MLLT3: variants seen among roughly 807,000 people sequenced by gnomAD.
The protein encoded by MLLT3 is MLLT3 super elongation complex subunit, also known as protein AF-9.
MLLT3 carries 4 observed loss-of-function variants against 53.2 expected under a neutral mutation model. The ratio of observed to expected loss-of-function variants is 0.08; its 90% CI spans 0.04 to 0.17. The LOEUF (loss-of-function observed/expected upper bound fraction) is 0.17, where lower values mean the gene tolerates loss of function less well. Ranked by LOEUF, MLLT3 falls within the 10% of genes least tolerant of loss-of-function variation. The pLI, the probability that MLLT3 is intolerant of heterozygous loss-of-function variation, is 1.00. For synonymous variants in MLLT3, 283 were observed against 230.6 expected, an observed-to-expected ratio of 1.23 and a Z score of -2.06; for missense variants, 569 against 684.0, an observed-to-expected ratio of 0.83 and a Z score of 1.87.
At chr9:20,539,697 G>A (rs1490456525) in intron 2 of MLLT3, among the ~76,000 whole-genome samples, 2 of 151,988 alleles carry the variant, frequency 1.3e-5, no homozygotes, top group Non-Finnish European at 2.9e-5. Flanking sequence ...ATTTGGGTGG[G>A]GACACATAGC....
intron 5 of MLLT3, among the ~76,000 whole-genome samples, chr9:20,389,722 G>A (rs928197221): frequency 4.6e-5 from 7 of 152,130 alleles, no homozygotes; most frequent in Non-Finnish European, 1.0e-4. Flanking sequence ...CAAGGTTACA[G>A]TGTGCTACGA....
intron 2 of MLLT3, among the ~76,000 whole-genome samples, chr9:20,487,967 A>G (rs1824855519): frequency 6.6e-6 from 1 of 152,162 alleles, no homozygotes; most frequent in Admixed American, 6.6e-5. Flanking sequence ...ATATTCATAT[A>G]TTCCAAATGT....
At chr9:20,619,272 T>C (rs1278634878) in intron 2 of MLLT3, among the ~76,000 whole-genome samples, 2 of 152,238 alleles carry the variant, frequency 1.3e-5, no homozygotes, top group East Asian at 3.8e-4. Flanking sequence ...TGGATTTATT[T>C]ATTAACCATC....
At chr9:20,596,900 A>G (rs1820285037) in intron 2 of MLLT3, among the ~76,000 whole-genome samples, 1 of 152,158 alleles carries the variant, frequency 6.6e-6, no homozygotes, top group Non-Finnish European at 1.5e-5. Flanking sequence ...CCATCGTAAT[A>G]TTAAGTCTCC....
intron 5 of MLLT3, among the ~76,000 whole-genome samples, chr9:20,389,900 T>C (rs747745926): frequency 9.2e-5 from 14 of 152,218 alleles, no homozygotes; most frequent in Non-Finnish European, 1.9e-4. Flanking sequence ...AATTGCTCAT[T>C]AAATTTTTTC....
chr9:20,573,006 C>T (rs1006377273), intron 2 of MLLT3, among the ~76,000 whole-genome samples: 2 of 152,118 alleles, frequency 1.3e-5, no homozygotes, highest in Non-Finnish European at 2.9e-5. Flanking sequence ...TGAAGTACCT[C>T]CAGATTACTG....
chr9:20,452,951 T>C (rs1468436535), intron 3 of MLLT3, among the ~76,000 whole-genome samples: 2 of 152,212 alleles, frequency 1.3e-5, no homozygotes, highest in South Asian at 2.1e-4. Context: ...ATTGCAACTA[T>C]AGTCAACAAT....
chr9:20,529,161 A>G (rs142306170), intron 2 of MLLT3, among the ~76,000 whole-genome samples: 89 of 152,324 alleles, frequency 5.8e-4, no homozygotes, highest in African/African-American at 2.0e-3. Context: ...CTGGGTATGC[A>G]GCCTAGGTTT....
At chr9:20,522,188 C>A (rs1818079233) in intron 2 of MLLT3, among the ~76,000 whole-genome samples, 1 of 150,130 alleles carries the variant, frequency 6.7e-6, no homozygotes, top group Admixed American at 6.7e-5. Flanking sequence ...TAAAGTACTA[C>A]TGTAGTACAG....
chr9:20,533,559 T>A (rs945853422), intron 2 of MLLT3, among the ~76,000 whole-genome samples: 5 of 152,212 alleles, frequency 3.3e-5, no homozygotes, highest in African/African-American at 1.2e-4. Flanking sequence ...CTACTGGGTA[T>A]ATGTCCTAAG....
intron 2 of MLLT3, among the ~76,000 whole-genome samples, chr9:20,597,160 T>G (rs895829526): frequency 5.3e-5 from 8 of 152,108 alleles, no homozygotes; most frequent in African/African-American, 1.9e-4. Flanking sequence ...GATAAATTCA[T>G]CCATTATGGG....
intron 2 of MLLT3, among the ~76,000 whole-genome samples, chr9:20,565,132 G>GTT (rs200465264): frequency 2.0e-5 from 3 of 146,616 alleles, no homozygotes; most frequent in African/African-American, 7.4e-5. Flanking sequence ...TGACTGATAT[G>GTT]TTTTTTTTTT....
intron 2 of MLLT3, among the ~76,000 whole-genome samples, chr9:20,482,192 T>C (rs1466283491): frequency 6.6e-6 from 1 of 152,222 alleles, no homozygotes; most frequent in African/African-American, 2.4e-5. Context: ...GTTCCTGCAT[T>C]AGACCCAAAC....
At chr9:20,406,404 A>T (rs1822578647) in intron 5 of MLLT3, among the ~76,000 whole-genome samples, 2 of 152,246 alleles carry the variant, frequency 1.3e-5, no homozygotes, top group Non-Finnish European at 2.9e-5. Flanking sequence ...ACATATTTTT[A>T]AGCGTTACTG....
At chr9:20,375,600 TTTTTCTTTTC>T (rs1174072977) in intron 5 of MLLT3, among the ~76,000 whole-genome samples, 15 of 111,144 alleles carry the variant, frequency 1.3e-4, no homozygotes, top group African/African-American at 1.3e-3. Flanking sequence ...AATTTTTTTT[TTTTTCTTTTC>T]TTTTTTTTTT....
At chr9:20,453,560 CA>C (rs950827782) in intron 3 of MLLT3, among the ~76,000 whole-genome samples, 1 of 152,018 alleles carries the variant, frequency 6.6e-6, no homozygotes, top group African/African-American at 2.4e-5. Flanking sequence ...GAAACCCCAC[CA>C]AAACAAAACA....
At position 20,620,578 on chromosome 9, in the gene MLLT3, G is replaced by T; in HGVS notation, c.193+76C>A. 1.4e-6 allele frequency: 2 copies of T among 1,419,252 alleles called. No individual in the cohort carries two copies. Among genetic ancestry groups the T allele is most frequent in the South Asian group, 2.7e-5 (2 of 73,186 alleles). The allele number at this position is 1,419,252 out of a possible 1,614,324, so 87.9% of individuals were successfully genotyped here. ...GCGCGGCGCGGGGGGCGGGGAGCGG[G>T]ACAGCGGGACCGCCCGGGCCAAGCG... On this transcript the variant is annotated intron_variant, in intron 2 of 10. Transcript: ENST00000380338. This position sits in a 1 kb window ranked among gnomAD's most constrained non-coding sequence, Gnocchi z 6.1.
chr9:20,524,357 T>C (rs1465357341), intron 2 of MLLT3, among the ~76,000 whole-genome samples: 1 of 152,040 alleles, frequency 6.6e-6, no homozygotes, highest in East Asian at 1.9e-4. Flanking sequence ...AAGATCCTTA[T>C]CTCAGTTCTG....
intron 2 of MLLT3, among the ~76,000 whole-genome samples, chr9:20,492,609 T>C (rs1824977317): frequency 6.6e-6 from 1 of 151,912 alleles, no homozygotes; most frequent in Non-Finnish European, 1.5e-5. Context: ...TTAAGATATA[T>C]ATTAATGTGC....
Sources: allele counts gnomAD v4.1 joint callset (sites outside exome capture counted in the v4.1 genomes callset), GRCh38; gene constraint gnomAD v4.1.1; non-coding constraint Gnocchi (gnomAD v3.1); transcripts MANE v1.5; gene names NCBI Gene and HGNC (gene_info 2026-07-23, HGNC 2026-07-21).